The following TRIM35 variants were observed in gnomAD, a reference collection of about 807,000 sequenced individuals.
TRIM35 encodes tripartite motif containing 35.
TRIM35 carries 37 observed loss-of-function variants against 49.1 expected under a neutral mutation model. That is an observed-to-expected ratio of 0.75 (90% CI 0.58 to 0.99). The LOEUF (loss-of-function observed/expected upper bound fraction) is 0.99. Ranked by LOEUF, TRIM35 falls within the 50% of genes least tolerant of loss-of-function variation. The pLI, the probability that TRIM35 is intolerant of heterozygous loss-of-function variation, is 0.00. For synonymous variants in TRIM35, 302 were observed against 289.3 expected, an observed-to-expected ratio of 1.04 and a Z score of -0.45; for missense variants, 648 against 702.7, an observed-to-expected ratio of 0.92 and a Z score of 0.88.
At chr8:27,289,136 G>T in intron 5 of TRIM35, 26 bp downstream of exon 5, 1 of 1,597,780 alleles carries the variant, frequency 6.3e-7, no homozygotes, top group South Asian at 1.1e-5. Flanking sequence ...CCCATGCTTG[G>T]GACACCTGCC....
chr8:27,303,963 G>C (rs1420222989), intron 1 of TRIM35, among the ~76,000 whole-genome samples: 3 of 152,106 alleles, frequency 2.0e-5, no homozygotes, highest in African/African-American at 7.2e-5. Context: ...CAAAATGCTG[G>C]GATTACAGGC....
At position 27,286,348 on chromosome 8, in the gene TRIM35, G is replaced by C. The variant is rs1334205260; in HGVS notation, c.*1202C>G. The C allele has an allele frequency of 8.3e-6, 3 of 360,534 alleles. No individual in the cohort carries two copies. The East Asian group carries it at 2.2e-4, about 27-fold the overall frequency. The allele number at this position is 360,534 out of a possible 1,614,324, so 22.3% of individuals were successfully genotyped here. On this transcript the variant is annotated 3_prime_UTR_variant, in exon 6 of 6. Coordinates refer to ENST00000305364, the MANE Select transcript of TRIM35 (RefSeq NM_171982.5). ...AGAGACAAGAGGGCAGCGAGGCCCA[G>C]CCTCCTCTTCCCTCTCCCACAGCGT...
At chr8:27,300,942 A>G (rs367946336) in intron 1 of TRIM35, among the ~76,000 whole-genome samples, 3 of 152,204 alleles carry the variant, frequency 2.0e-5, no homozygotes, top group African/African-American at 7.2e-5. Flanking sequence ...GCAGGCCCCA[A>G]AACAACACAG....
intron 2 of TRIM35, among the ~76,000 whole-genome samples, chr8:27,295,780 T>C (rs765901428): frequency 2.6e-5 from 4 of 152,150 alleles, no homozygotes; most frequent in East Asian, 1.9e-4. Flanking sequence ...TGTGTATGTT[T>C]ACAGCTCTGA....
Position 27,286,040 on chromosome 8 carries a change from A to C in TRIM35, c.*1510T>G. The C allele has an allele frequency of 2.2e-6, 1 of 454,534 alleles. No homozygotes were observed. Among genetic ancestry groups the C allele is most frequent in the Admixed American group, 2.4e-5 (1 of 42,294 alleles). 28.2% of individuals were successfully genotyped at this position (454,534 alleles called of 1,614,324 possible). A position where few individuals can be genotyped will look rare whatever the true frequency, so the allele number is the denominator to read the frequency against. On this transcript the variant is annotated 3_prime_UTR_variant, in exon 6 of 6. Transcript: ENST00000305364. The stretch of plus-strand genomic sequence containing the variant: ...AACCAATTAATACGTGTGAGTCATG[A>C]TTTGTTTAAAATGTCAGCTTTTGTG...
intron 1 of TRIM35, among the ~76,000 whole-genome samples, chr8:27,306,846 C>T (rs1387745431): frequency 6.6e-6 from 1 of 152,074 alleles, no homozygotes; most frequent in African/African-American, 2.4e-5. Context: ...AGTATCTTGG[C>T]CAGGAGTAGA....
Position 27,294,163 on chromosome 8 carries a change from G to C in TRIM35, c.679C>G (p.Leu227Val). 1 of 1,614,224 alleles carries C rather than the reference G, an allele frequency of 6.2e-7. No homozygotes were observed. The highest frequency in any genetic ancestry group is 8.5e-7 in the Non-Finnish European group (1 of 1,180,042). ...QLLADEKMKQ[L>V]TEETEVLAHE... ...GCCAGCACCTCCGTCTCCTCTGTGA[G>C]CTGCTTCATCTTCTCGTCGGCCAGA... Residue 227 changes from leucine (L) to valine (V), a missense_variant, in exon 3 of 6, where the codon CTC (leucine) becomes GTC (valine). Coordinates refer to ENST00000305364, the MANE Select transcript of TRIM35 (RefSeq NM_171982.5).
chr8:27,303,268 G>A (rs543093884), intron 1 of TRIM35, among the ~76,000 whole-genome samples: 3 of 152,088 alleles, frequency 2.0e-5, no homozygotes, highest in African/African-American at 7.2e-5. Flanking sequence ...CATAATTACC[G>A]ATATGTTTGC....
chr8:27,309,948 C>T (rs937800679), intron 1 of TRIM35, among the ~76,000 whole-genome samples: 6 of 149,296 alleles, frequency 4.0e-5, no homozygotes, highest in Non-Finnish European at 7.4e-5. Flanking sequence ...GCTAAGAGCA[C>T]GCCACTGCAC....
At chr8:27,306,620 G>A (rs754261273) in intron 1 of TRIM35, among the ~76,000 whole-genome samples, 104 of 152,206 alleles carry the variant, frequency 6.8e-4, no homozygotes, top group Non-Finnish European at 1.1e-3. Context: ...CACCACACCC[G>A]GCCACCATTC....
At chr8:27,296,284 C>T (rs574010417) in intron 2 of TRIM35, among the ~76,000 whole-genome samples, 102 of 152,004 alleles carry the variant, frequency 6.7e-4, no homozygotes, top group African/African-American at 2.1e-3. Context: ...CATTAAGCCC[C>T]GCATGCATTA....
At chr8:27,302,153 G>C (rs1230695232) in intron 1 of TRIM35, among the ~76,000 whole-genome samples, 2 of 152,140 alleles carry the variant, frequency 1.3e-5, no homozygotes, top group African/African-American at 4.8e-5. Flanking sequence ...ATAAATTTTA[G>C]AATCTGTGAA....
At chr8:27,301,233 T>G (rs548053827) in intron 1 of TRIM35, among the ~76,000 whole-genome samples, 1 of 152,354 alleles carries the variant, frequency 6.6e-6, no homozygotes, top group South Asian at 2.1e-4. Flanking sequence ...TTCAATTATT[T>G]AATTCGAATT....
chr8:27,286,096 C>T lies in TRIM35; in HGVS notation c.*1454G>A. 2 of 456,278 alleles carry T rather than the reference C, an allele frequency of 4.4e-6. No individual in the cohort carries two copies. The highest frequency in any genetic ancestry group is 3.1e-5 in the South Asian group (2 of 64,564). The allele number at this position is 456,278 out of a possible 1,614,324, so 28.3% of individuals were successfully genotyped here. A position where few individuals can be genotyped will look rare whatever the true frequency, so the allele number is the denominator to read the frequency against. On this transcript the variant is annotated 3_prime_UTR_variant, in exon 6 of 6. Transcript: ENST00000305364. ...AAGGGGATGGGCAGAAGGCAGGATG[C>T]TGTCCTTGGTCAGGAATGTGACCCA...
At chr8:27,304,835 A>G (rs1193449234) in intron 1 of TRIM35, 13 of 456,506 alleles carry the variant, frequency 2.8e-5, no homozygotes, top group Admixed American at 1.9e-4. Context: ...GTGAGTTGGT[A>G]AAAAGTTCCT....
chr8:27,294,427 C>T, intron 2 of TRIM35, 117 bp from the exon 3 acceptor site: 2 of 942,100 alleles, frequency 2.1e-6, no homozygotes, highest in Non-Finnish European at 3.1e-6. Flanking sequence ...GTATAGAACC[C>T]CTACAGATAA....
intron 1 of TRIM35, among the ~76,000 whole-genome samples, chr8:27,307,003 T>C (rs760363750): frequency 1.3e-5 from 2 of 152,240 alleles, no homozygotes; most frequent in African/African-American, 4.8e-5. Context: ...AGGTTTGCAT[T>C]TGTATGCATG....
intron 1 of TRIM35, among the ~76,000 whole-genome samples, chr8:27,310,496 C>T (rs1398533892): frequency 6.6e-6 from 1 of 152,260 alleles, no homozygotes; most frequent in East Asian, 1.9e-4. Flanking sequence ...CTGGGCCACA[C>T]CCGGCTGGCA....
At chr8:27,300,045 TGGGATGGTAGCCAGC>T (rs1802651499) in intron 1 of TRIM35, among the ~76,000 whole-genome samples, 1 of 152,218 alleles carries the variant, frequency 6.6e-6, no homozygotes, top group South Asian at 2.1e-4. Flanking sequence ...GCTTGCTCAC[TGGGATGGTAGCCAGC>T]TGCCCATGTG....
Sources: gnomAD v4.1 joint callset for allele counts (sites outside exome capture counted in the v4.1 genomes callset) on GRCh38, gnomAD v4.1.1 for gene constraint, MANE v1.5 for transcripts, NCBI Gene and HGNC (gene_info 2026-07-23, HGNC 2026-07-21) for gene names.